Variants in TSPAN18 observed in about 807,000 individuals in gnomAD.
TSPAN18 encodes the protein tetraspanin-18.
In TSPAN18, 14 loss-of-function variants were observed where a neutral mutation model predicts 27.3. The observed-to-expected ratio is 0.51, with a 90% CI of 0.34 to 0.80. TSPAN18 has a LOEUF of 0.80. TSPAN18 is among the 30% of genes least tolerant of loss of function. The pLI is 0.01. For missense variants in TSPAN18, 268 were observed against 323.9 expected, an observed-to-expected ratio of 0.83 and a Z score of 1.32; for synonymous variants, 143 against 136.5, an observed-to-expected ratio of 1.05 and a Z score of -0.33.
At chr11:44,731,411 C>T (rs1854651217) in intron 1 of TSPAN18, among the ~76,000 whole-genome samples, 1 of 152,136 alleles carries the variant, frequency 6.6e-6, no homozygotes. Flanking sequence ...ACTAGTAATA[C>T]CCCATCAGAT....
At chr11:44,871,260 G>A (rs1858185849) in intron 3 of TSPAN18, among the ~76,000 whole-genome samples, 1 of 152,134 alleles carries the variant, frequency 6.6e-6, no homozygotes, top group African/African-American at 2.4e-5. Context: ...AGATCAGAGT[G>A]CTAGCATGGT....
At chr11:44,777,747 C>A (rs554378787) in intron 2 of TSPAN18, among the ~76,000 whole-genome samples, 2 of 152,126 alleles carry the variant, frequency 1.3e-5, no homozygotes, top group Non-Finnish European at 2.9e-5. Flanking sequence ...CCTCCCACCT[C>A]CCCCCCTTTT....
In TSPAN18 at chr11:44,917,956, G is replaced by A. The variant is rs369703331; in HGVS notation, c.259-16G>A. 4.6e-5 allele frequency: 75 copies of A among 1,613,856 alleles called. No individual in the cohort carries two copies. The highest frequency in any genetic ancestry group is 5.8e-5 in the Non-Finnish European group (69 of 1,179,968). ...GCCTGCCCTCTGGGCTCACAAGGCT[G>A]TTCCTCTCCCTGCAGTTCTTCCTGT... On this transcript the variant is annotated splice_polypyrimidine_tract_variant and intron_variant, in intron 5 of 9. Transcript: ENST00000520358.
chr11:44,784,077 G>T (rs895149328), intron 2 of TSPAN18, among the ~76,000 whole-genome samples: 3 of 152,118 alleles, frequency 2.0e-5, no homozygotes, highest in African/African-American at 7.2e-5. Context: ...TCTTGACTTG[G>T]GGGTAAAAAT....
intron 2 of TSPAN18, among the ~76,000 whole-genome samples, chr11:44,819,042 T>C (rs1290709804): frequency 6.6e-6 from 1 of 152,182 alleles, no homozygotes. Context: ...TTTCATGGAT[T>C]GTTTAGAACA....
At chr11:44,782,957 T>G (rs1855973023) in intron 2 of TSPAN18, among the ~76,000 whole-genome samples, 1 of 152,118 alleles carries the variant, frequency 6.6e-6, no homozygotes, top group African/African-American at 2.4e-5. Context: ...GCCTCCCAAG[T>G]AGCTGGGATT....
At chr11:44,758,739 T>A (rs143094483) in intron 1 of TSPAN18, among the ~76,000 whole-genome samples, 1 of 152,282 alleles carries the variant, frequency 6.6e-6, no homozygotes, top group African/African-American at 2.4e-5. Flanking sequence ...ACTTTGCAGG[T>A]GGATATCCTG....
intron 2 of TSPAN18, among the ~76,000 whole-genome samples, chr11:44,826,483 G>A (rs1857045795): frequency 6.6e-6 from 1 of 152,158 alleles, no homozygotes; most frequent in Admixed American, 6.5e-5. Context: ...GATATTTTTG[G>A]ATCATCGTCT....
intron 1 of TSPAN18, among the ~76,000 whole-genome samples, chr11:44,752,686 C>T (rs1038015879): frequency 7.2e-5 from 11 of 152,060 alleles, no homozygotes; most frequent in African/African-American, 2.7e-4. Flanking sequence ...CTAGAATGAA[C>T]ATGAGTCAAA....
chr11:44,837,473 T>C (rs1243191994), intron 2 of TSPAN18, among the ~76,000 whole-genome samples: 1 of 152,198 alleles, frequency 6.6e-6, no homozygotes, highest in Non-Finnish European at 1.5e-5. Flanking sequence ...TTAAACATTG[T>C]TAAAATAACA....
At chr11:44,907,207 C>T (rs907636454) in intron 4 of TSPAN18, among the ~76,000 whole-genome samples, 1 of 152,204 alleles carries the variant, frequency 6.6e-6, no homozygotes, top group Non-Finnish European at 1.5e-5. Context: ...TGAGCCCACC[C>T]ACCTGCTGGT....
chr11:44,882,048 C>A (rs1235272763), intron 3 of TSPAN18, among the ~76,000 whole-genome samples: 1 of 152,142 alleles, frequency 6.6e-6, no homozygotes, highest in South Asian at 2.1e-4. Context: ...TCTCTCTGAC[C>A]CAGCTCTGTC....
intron 1 of TSPAN18, among the ~76,000 whole-genome samples, chr11:44,744,568 G>T (rs1855027270): frequency 6.6e-6 from 1 of 152,148 alleles, no homozygotes; most frequent in Non-Finnish European, 1.5e-5. Context: ...CCCTCTCCGG[G>T]CCTGTTTGCC....
At chr11:44,741,447 A>ATGTGTGTGTG (rs58865710) in intron 1 of TSPAN18, among the ~76,000 whole-genome samples, 4 of 147,384 alleles carry the variant, frequency 2.7e-5, no homozygotes, top group African/African-American at 9.9e-5. Flanking sequence ...TCAGACATGT[A>ATGTGTGTGTG]TGTGTGTGTG....
At chr11:44,816,994 A>G (rs1165283988) in intron 2 of TSPAN18, among the ~76,000 whole-genome samples, 1 of 152,212 alleles carries the variant, frequency 6.6e-6, no homozygotes, top group Non-Finnish European at 1.5e-5. Context: ...CTGGTGCCAC[A>G]TGTGCAGTGA....
chr11:44,895,186 G>A (rs1858998451), intron 3 of TSPAN18, among the ~76,000 whole-genome samples: 1 of 152,142 alleles, frequency 6.6e-6, no homozygotes, highest in Admixed American at 6.5e-5. Flanking sequence ...TCTGTTTAGG[G>A]GAAAGATGTT....
intron 9 of TSPAN18, among the ~76,000 whole-genome samples, chr11:44,927,704 G>A (rs1034711945): frequency 2.6e-5 from 4 of 152,180 alleles, no homozygotes; most frequent in Non-Finnish European, 5.9e-5. Flanking sequence ...CAATGAACAA[G>A]ATAAATCCGC....
At chr11:44,840,823 C>T (rs529923311) in intron 2 of TSPAN18, among the ~76,000 whole-genome samples, 3 of 152,278 alleles carry the variant, frequency 2.0e-5, no homozygotes, top group South Asian at 4.1e-4. Flanking sequence ...GCAGGTGGCA[C>T]GGGGCCATCA....
Position 44,860,408 on chromosome 11 carries a change from A to C in TSPAN18, c.-72A>C, listed in dbSNP as rs1377387088. The C allele has an allele frequency of 3.9e-5, 6 of 152,182 alleles. No individual in the cohort carries two copies. The allele number at this position is 152,182 out of a possible 1,614,324, so 9.4% of individuals were successfully genotyped here. A position where few individuals can be genotyped will look rare whatever the true frequency, so the allele number is the denominator to read the frequency against. ...CCATCAAAGCAACTGGAACCCCTTG[A>C]ATTTGATTTCTGGAGACGCGAGCAT... On this transcript the variant is annotated 5_prime_UTR_variant, in exon 3 of 10. Coordinates refer to ENST00000520358, the MANE Select transcript of TSPAN18 (RefSeq NM_130783.5).
Sources: allele counts gnomAD v4.1 joint callset (sites outside exome capture counted in the v4.1 genomes callset), GRCh38; gene constraint gnomAD v4.1.1; transcripts MANE v1.5; gene names NCBI Gene and HGNC (gene_info 2026-07-23, HGNC 2026-07-21).